Variants in RCAN2 observed in about 807,000 individuals in gnomAD.
RCAN2 encodes regulator of calcineurin 2.
Under a neutral mutation model 23.6 loss-of-function variants are expected in RCAN2, and 9 were observed. The ratio of observed to expected loss-of-function variants is 0.38; its 90% CI spans 0.23 to 0.67. The LOEUF is 0.67. Ranked by LOEUF, RCAN2 falls within the 30% of genes least tolerant of loss-of-function variation. The probability of loss-of-function intolerance (pLI) is 0.51; values close to 1 mark genes in which losing one functional copy is unlikely to be tolerated. For missense variants in RCAN2, 273 were observed against 302.3 expected, an observed-to-expected ratio of 0.90 and a Z score of 0.72; for synonymous variants, 109 against 115.7, an observed-to-expected ratio of 0.94 and a Z score of 0.37.
intron 2 of RCAN2, among the ~76,000 whole-genome samples, chr6:46,252,164 C>A (rs1766753315): frequency 6.6e-6 from 1 of 152,064 alleles, no homozygotes; most frequent in Non-Finnish European, 1.5e-5. Flanking sequence ...GATACCAGAC[C>A]AAATTAGTTA....
chr6:46,324,061 C>A (rs1191672955), intron 2 of RCAN2, among the ~76,000 whole-genome samples: 2 of 152,214 alleles, frequency 1.3e-5, no homozygotes, highest in East Asian at 3.9e-4. Context: ...GTTACCCACA[C>A]TGGACTTGAC....
At chr6:46,317,556 G>C (rs192005882) in intron 2 of RCAN2, among the ~76,000 whole-genome samples, 3 of 152,028 alleles carry the variant, frequency 2.0e-5, no homozygotes, top group Admixed American at 2.0e-4. Context: ...CCACCTCCCC[G>C]GTTAAGGCCA....
rs78577890 is a variant in RCAN2, at chr6:46,362,666, C to T, written c.225+94086G>A. On this transcript the variant is annotated intron_variant, in intron 2 of 4. Coordinates refer to ENST00000371374, the MANE Select transcript of RCAN2 (RefSeq NM_001251974.2). ...TAACTTGGTTTCCAGAGGGAAAGTC[C>T]AAATAACCTAAGGAAAGTCAGGATG... 9.0e-3 allele frequency among the ~76,000 whole-genome samples: 1,372 copies of T among 152,128 alleles called. 25 individuals are homozygous for T. Among genetic ancestry groups the T allele is most frequent in the African/African-American group, 0.031 (1,292 of 41,510 alleles).
rs558580384 is a variant in RCAN2, at chr6:46,395,777, C to T, written c.225+60975G>A. Among the ~76,000 whole-genome samples the T allele has an allele frequency of 3.9e-5, 6 of 152,236 alleles. No homozygotes were observed. In the East Asian group the frequency reaches 9.7e-4, roughly 25 times the overall value. On this transcript the variant is annotated intron_variant, in intron 2 of 4. Coordinates refer to ENST00000371374, the MANE Select transcript of RCAN2 (RefSeq NM_001251974.2). ...GGAAACATTTACTCTATCAGTGGAG[C>T]CACATTACAATATACTTATTTACCT...
At chr6:46,390,043 T>C (rs1409567705) in intron 2 of RCAN2, among the ~76,000 whole-genome samples, 1 of 149,854 alleles carries the variant, frequency 6.7e-6, no homozygotes, top group Non-Finnish European at 1.5e-5. Flanking sequence ...AAAATCAAAC[T>C]CCTGAAAATT....
At chr6:46,453,872 A>G (rs1398191261) in intron 2 of RCAN2, among the ~76,000 whole-genome samples, 1 of 152,232 alleles carries the variant, frequency 6.6e-6, no homozygotes, top group Non-Finnish European at 1.5e-5. Context: ...GCTGTGCCAA[A>G]AAAGAAAAGA....
Position 46,248,813 on chromosome 6 carries a change from G to T in RCAN2, c.309C>A (p.Asn103Lys). The change falls in exon 3 of 5, where the codon AAC (asparagine) becomes AAA (lysine). Residue 103 changes from asparagine (N) to lysine (K), a missense_variant. Asn to Lys is a moderately conservative substitution (Grantham distance 94, BLOSUM62 0). Coordinates refer to ENST00000371374, the MANE Select transcript of RCAN2 (RefSeq NM_001251974.2). ...LFKSFRRVRI[N>K]FSNPKSAARA... ...GGGCTGCAGATTTAGGATTGCTGAA[G>T]TTTATACGGACACGTCTGAAACTCT... is the stretch of plus-strand genomic sequence containing the variant. The T allele has an allele frequency of 1.2e-6, 2 of 1,613,326 alleles. No homozygotes were observed. Among genetic ancestry groups the T allele is most frequent in the Non-Finnish European group, 1.7e-6 (2 of 1,179,762 alleles).
intron 2 of RCAN2, among the ~76,000 whole-genome samples, chr6:46,387,013 A>G (rs1765775381): frequency 6.6e-6 from 1 of 152,238 alleles, no homozygotes; most frequent in African/African-American, 2.4e-5. Context: ...AGGATTCCCT[A>G]TTTAATAAAT....
chr6:46,277,339 A>T (rs1053639746), intron 2 of RCAN2, among the ~76,000 whole-genome samples: 1 of 152,174 alleles, frequency 6.6e-6, no homozygotes, highest in Non-Finnish European at 1.5e-5. Flanking sequence ...TCATAGGAGG[A>T]GAAATGGCTT....
chr6:46,282,869 T>G (rs900895418), intron 2 of RCAN2, among the ~76,000 whole-genome samples: 4 of 152,214 alleles, frequency 2.6e-5, no homozygotes, highest in Non-Finnish European at 5.9e-5. Context: ...CAAATCTGCC[T>G]TTTCCTCTAA....
intron 2 of RCAN2, among the ~76,000 whole-genome samples, chr6:46,444,821 C>T (rs889676369): frequency 1.3e-5 from 2 of 152,130 alleles, no homozygotes; most frequent in Non-Finnish European, 2.9e-5. Context: ...CCCCTTGGAC[C>T]CAGATACCAG....
At chr6:46,347,665 C>CA (rs904323518) in intron 2 of RCAN2, among the ~76,000 whole-genome samples, 2 of 152,102 alleles carry the variant, frequency 1.3e-5, no homozygotes, top group African/African-American at 4.8e-5. Flanking sequence ...ACTAAAATCT[C>CA]AAAACAACCC....
At chr6:46,314,529 A>C (rs1044911679) in intron 2 of RCAN2, among the ~76,000 whole-genome samples, 9 of 152,144 alleles carry the variant, frequency 5.9e-5, no homozygotes, top group African/African-American at 2.2e-4. Flanking sequence ...AAACAAAAAA[A>C]AAAACTGAAC....
At chr6:46,478,503 A>G (rs913389451) in intron 1 of RCAN2, among the ~76,000 whole-genome samples, 6 of 152,092 alleles carry the variant, frequency 3.9e-5, no homozygotes, top group Admixed American at 1.3e-4. Context: ...CACTGCTCTT[A>G]AGCTAGCCTT....
intron 2 of RCAN2, among the ~76,000 whole-genome samples, chr6:46,380,004 T>C (rs1467082968): frequency 6.6e-6 from 1 of 152,200 alleles, no homozygotes; most frequent in African/African-American, 2.4e-5. Flanking sequence ...TTCAAATGTG[T>C]ATACTCTGGT....
At position 46,426,922 on chromosome 6, in the gene RCAN2, C is replaced by T. The variant is rs543703708; in HGVS notation, c.225+29830G>A. ...TAGAGGATAGGGTTTAAGTAGCAAA[C>T]CTGTATGTGAATCCTTTTACTAACT... On this transcript the variant is annotated intron_variant, in intron 2 of 4. Coordinates refer to ENST00000371374, the MANE Select transcript of RCAN2 (RefSeq NM_001251974.2). 8.5e-5 allele frequency among the ~76,000 whole-genome samples: 13 copies of T among 152,176 alleles called. No individual in the cohort carries two copies. In the South Asian group the frequency reaches 2.7e-3, roughly 32 times the overall value.
chr6:46,328,242 C>CCACT (rs1239441890), intron 2 of RCAN2, among the ~76,000 whole-genome samples: 1 of 152,144 alleles, frequency 6.6e-6, no homozygotes. Flanking sequence ...ATCCAAGCAC[C>CCACT]CACTAACTTT....
At chr6:46,476,404 T>A (rs1041297307) in intron 1 of RCAN2, among the ~76,000 whole-genome samples, 7 of 152,228 alleles carry the variant, frequency 4.6e-5, no homozygotes, top group Middle Eastern at 3.2e-3. Flanking sequence ...ATTAGAATGC[T>A]ATCAACAGTC....
chr6:46,476,017 G>A (rs1768703453), intron 1 of RCAN2, among the ~76,000 whole-genome samples: 2 of 152,178 alleles, frequency 1.3e-5, no homozygotes, highest in South Asian at 2.1e-4. Context: ...TGGTGAAGAA[G>A]GGGTAGTAGA....
Sources: allele counts gnomAD v4.1 joint callset (sites outside exome capture counted in the v4.1 genomes callset), GRCh38; gene constraint gnomAD v4.1.1; transcripts MANE v1.5; gene names NCBI Gene and HGNC (gene_info 2026-07-23, HGNC 2026-07-21).